Variants in NRG3 observed in about 807,000 individuals in gnomAD.
NRG3 encodes the protein neuregulin 3.
Under a neutral mutation model 66.9 loss-of-function variants are expected in NRG3, and 31 were observed. The observed-to-expected ratio is 0.46, with a 90% CI of 0.35 to 0.63. The LOEUF (loss-of-function observed/expected upper bound fraction) is 0.63. NRG3 is among the 20% of genes least tolerant of loss of function. The probability of loss-of-function intolerance (pLI) is 0.00; values close to 1 mark genes in which losing one functional copy is unlikely to be tolerated. For missense variants in NRG3, 910 were observed against 878.9 expected, an observed-to-expected ratio of 1.04 and a Z score of -0.45; for synonymous variants, 393 against 359.4, an observed-to-expected ratio of 1.09 and a Z score of -1.06.
chr10:82,759,829 TA>T (rs2059230867), intron 3 of NRG3, among the ~76,000 whole-genome samples: 1 of 152,094 alleles, frequency 6.6e-6, no homozygotes, highest in Admixed American at 6.6e-5. Flanking sequence ...AAATCCATTA[TA>T]ATAATAATCA....
intron 1 of NRG3, among the ~76,000 whole-genome samples, chr10:82,278,556 G>C (rs1027047478): frequency 1.1e-4 from 16 of 152,210 alleles, no homozygotes; most frequent in African/African-American, 3.9e-4. Flanking sequence ...GTCGAGGTTC[G>C]TGCAAACAGA....
At chr10:82,775,070 G>T (rs1373107237) in intron 3 of NRG3, among the ~76,000 whole-genome samples, 5 of 151,586 alleles carry the variant, frequency 3.3e-5, no homozygotes, top group Admixed American at 1.3e-4. Context: ...CAAGTGATCT[G>T]CTGCCTCAGC....
chr10:82,640,615 G>A (rs2050505181), intron 2 of NRG3, among the ~76,000 whole-genome samples: 1 of 152,060 alleles, frequency 6.6e-6, no homozygotes, highest in Non-Finnish European at 1.5e-5. Flanking sequence ...ACATGAAGAT[G>A]GATGTATTAA....
At chr10:81,919,097 A>T (rs1846000334) in intron 1 of NRG3, among the ~76,000 whole-genome samples, 1 of 152,156 alleles carries the variant, frequency 6.6e-6, no homozygotes, top group South Asian at 2.1e-4. Flanking sequence ...ATATTTTTAA[A>T]TTCAGTAACC....
intron 2 of NRG3, among the ~76,000 whole-genome samples, chr10:82,647,375 G>A (rs1291902366): frequency 2.0e-5 from 3 of 152,166 alleles, no homozygotes; most frequent in African/African-American, 4.8e-5. Flanking sequence ...TGGTGTATAT[G>A]TGCCACATTT....
intron 1 of NRG3, among the ~76,000 whole-genome samples, chr10:81,887,474 C>T (rs1050424904): frequency 2.0e-5 from 3 of 152,094 alleles, no homozygotes; most frequent in African/African-American, 7.2e-5. Flanking sequence ...AAAGAGAACA[C>T]AAAGGCTAAT....
intron 1 of NRG3, among the ~76,000 whole-genome samples, chr10:82,174,224 A>G (rs2072857914): frequency 1.3e-5 from 2 of 152,096 alleles, no homozygotes; most frequent in African/African-American, 4.8e-5. Context: ...CACACACATC[A>G]ATTCCAAATT....
chr10:81,901,052 C>G (rs1312796510), intron 1 of NRG3, among the ~76,000 whole-genome samples: 3 of 152,224 alleles, frequency 2.0e-5, no homozygotes, highest in Non-Finnish European at 4.4e-5. Context: ...TCCCTACTCT[C>G]TCTCCTTTTC....
intron 1 of NRG3, among the ~76,000 whole-genome samples, chr10:82,313,023 T>A (rs905961580): frequency 6.6e-6 from 1 of 151,876 alleles, no homozygotes; most frequent in African/African-American, 2.4e-5. Context: ...CCAAAAATAC[T>A]AAAAATTAGC....
chr10:82,342,387 C>A (rs2082729512), intron 1 of NRG3, among the ~76,000 whole-genome samples: 1 of 152,102 alleles, frequency 6.6e-6, no homozygotes, highest in Admixed American at 6.5e-5. Context: ...CTGCCATCAA[C>A]AACGTATTAG....
chr10:82,479,805 A>C (rs1205364951), intron 2 of NRG3, among the ~76,000 whole-genome samples: 1 of 151,970 alleles, frequency 6.6e-6, no homozygotes, highest in Non-Finnish European at 1.5e-5. Flanking sequence ...GTCTCTACTA[A>C]AAACACAAAA....
chr10:82,855,674 A>G (rs2063768360), intron 3 of NRG3, among the ~76,000 whole-genome samples: 1 of 152,164 alleles, frequency 6.6e-6, no homozygotes, highest in South Asian at 2.1e-4. Context: ...CTAGGATTGC[A>G]GGTGTGAGCC....
At chr10:82,445,272 T>C (rs548572242) in intron 2 of NRG3, among the ~76,000 whole-genome samples, 2 of 152,294 alleles carry the variant, frequency 1.3e-5, no homozygotes, top group East Asian at 1.9e-4. Flanking sequence ...TCAGCCCAAG[T>C]ACCCACAAGG....
intron 2 of NRG3, among the ~76,000 whole-genome samples, chr10:82,496,430 A>G (rs953184114): frequency 2.0e-5 from 3 of 152,128 alleles, no homozygotes; most frequent in African/African-American, 7.2e-5. Flanking sequence ...CTCTTTTCCC[A>G]TTTAAAAATT....
chr10:82,214,284 C>T (rs2075554312), intron 1 of NRG3, among the ~76,000 whole-genome samples: 1 of 152,012 alleles, frequency 6.6e-6, no homozygotes, highest in Non-Finnish European at 1.5e-5. Flanking sequence ...GGTTTATGGT[C>T]AAGAAGAAAG....
chr10:82,957,130 T>C (rs1850124746), intron 5 of NRG3, among the ~76,000 whole-genome samples: 1 of 151,984 alleles, frequency 6.6e-6, no homozygotes, highest in South Asian at 2.1e-4. Flanking sequence ...CTCACAAGAC[T>C]GAGCTTGCTT....
At chr10:82,019,154 G>A (rs1351798656) in intron 1 of NRG3, among the ~76,000 whole-genome samples, 1 of 152,154 alleles carries the variant, frequency 6.6e-6, no homozygotes, top group African/African-American at 2.4e-5. Context: ...AAGGGCTGTT[G>A]AATTTTGTCA....
At chr10:82,966,987 G>A (rs1851270947) in intron 6 of NRG3, among the ~76,000 whole-genome samples, 1 of 151,114 alleles carries the variant, frequency 6.6e-6, no homozygotes, top group Non-Finnish European at 1.5e-5. Context: ...TTCTGCCTTG[G>A]TTCTAGAATC....
chr10:82,112,332 C>T (rs1443024552), intron 1 of NRG3, among the ~76,000 whole-genome samples: 1 of 152,088 alleles, frequency 6.6e-6, no homozygotes, highest in Admixed American at 6.6e-5. Flanking sequence ...ACCTGGTAGA[C>T]CTAACATAGG....
Sources: gnomAD v4.1 joint callset for allele counts (sites outside exome capture counted in the v4.1 genomes callset) on GRCh38, gnomAD v4.1.1 for gene constraint, MANE v1.5 for transcripts, NCBI Gene and HGNC (gene_info 2026-07-23, HGNC 2026-07-21) for gene names.